Variants in ADORA2A observed in about 807,000 individuals in gnomAD.
The protein encoded by ADORA2A is adenosine receptor A2a.
In ADORA2A, 11 loss-of-function variants were observed where a neutral mutation model predicts 18.4. That is an observed-to-expected ratio of 0.60 (90% confidence interval 0.38 to 0.99). ADORA2A has a LOEUF of 0.99. ADORA2A is among the 50% of genes least tolerant of loss of function. The pLI is 0.01. For missense variants in ADORA2A, 449 were observed against 556.1 expected, an observed-to-expected ratio of 0.81 and a Z score of 1.94; for synonymous variants, 218 against 237.3, an observed-to-expected ratio of 0.92 and a Z score of 0.75.
chr22:24,437,135 C>T (rs962077450), intron 2 of ADORA2A, among the ~76,000 whole-genome samples: 7 of 152,190 alleles, frequency 4.6e-5, no homozygotes. Context: ...GGGGCATATT[C>T]TTGGACCATA....
chr22:24,429,541 C>T (rs1031060772), intron 1 of ADORA2A: 3 of 152,292 alleles, frequency 2.0e-5, no homozygotes, highest in African/African-American at 2.4e-5. Flanking sequence ...CCGCCCCCTC[C>T]CCGGGGCCTC....
chr22:24,436,050 T>C (rs2043166767), intron 2 of ADORA2A, among the ~76,000 whole-genome samples: 1 of 152,168 alleles, frequency 6.6e-6, no homozygotes, highest in African/African-American at 2.4e-5. Flanking sequence ...CACAAACTCA[T>C]GGGGAGGCCA....
At position 24,440,963 on chromosome 22, in the gene ADORA2A, T is replaced by C. The variant is rs2043324465; in HGVS notation, c.713T>C (p.Ile238Thr). The change falls in exon 3 of 3, where the codon ATT becomes ACT. Residue 238 changes from isoleucine to threonine, a missense_variant. Physicochemically the swap from Ile to Thr is moderately conservative, Grantham distance 89 (BLOSUM62 -1). Transcript: ENST00000337539. ...CATGCTGCCAAGTCACTGGCCATCA[T>C]TGTGGGGCTCTTTGCCCTCTGCTGG... is the stretch of plus-strand genomic sequence containing the variant. ...EVHAAKSLAI[I>T]VGLFALCWLP... The C allele has an allele frequency of 1.9e-6, 3 of 1,614,100 alleles. No individual in the cohort carries two copies. Among genetic ancestry groups the C allele is most frequent in the African/African-American group, 1.3e-5 (1 of 75,008 alleles).
intron 2 of ADORA2A, 75 bp downstream of exon 2, chr22:24,433,811 G>GA (rs2043107489): frequency 6.7e-7 from 1 of 1,484,342 alleles, no homozygotes; most frequent in African/African-American, 1.4e-5. Context: ...GAGCCAGGGT[G>GA]AGCCTGGGAT....
chr22:24,429,164 G>C (rs1252032328), intron 1 of ADORA2A: 2 of 152,266 alleles, frequency 1.3e-5, no homozygotes, highest in Admixed American at 1.3e-4. Flanking sequence ...TGTACAGAGG[G>C]CCTTGCTAGT....
Position 24,427,738 on chromosome 22 carries a change from T to C in ADORA2A, c.-283T>C, listed in dbSNP as rs115781308. 3,862 of 152,300 alleles carry C rather than the reference T, an allele frequency of 0.025. 190 individuals are homozygous for C. Among genetic ancestry groups the C allele is most frequent in the African/African-American group, 0.088 (3,674 of 41,522 alleles). The allele number at this position is 152,300 out of a possible 1,614,324, so 9.4% of individuals were successfully genotyped here. Reference sequence around the variant, plus strand: ...AGGAGGGCTGTCAGGTGAAGCCTCGTGTGAGGGGGTGAGTGGCCCCCAGGC... The same window carrying C: ...AGGAGGGCTGTCAGGTGAAGCCTCGCGTGAGGGGGTGAGTGGCCCCCAGGC... On this transcript the variant is annotated 5_prime_UTR_variant, in exon 1 of 3. Coordinates refer to ENST00000337539, the MANE Select transcript of ADORA2A (RefSeq NM_000675.6).
chr22:24,424,241 G>T (rs1432470443), upstream of ADORA2A, among the ~76,000 whole-genome samples: 1 of 152,042 alleles, frequency 6.6e-6, no homozygotes, highest in East Asian at 1.9e-4. This position sits in a 1 kb window ranked among gnomAD's most constrained non-coding sequence, Gnocchi z 4.9. Context: ...GGCGCCGCGT[G>T]CGGGACCCTC....
At chr22:24,425,315 A>G (rs2042904884), upstream of ADORA2A, among the ~76,000 whole-genome samples, 1 of 142,114 alleles carries the variant, frequency 7.0e-6, no homozygotes, top group African/African-American at 2.7e-5. Context: ...TGGGGCTGGG[A>G]AGGCCGGGCC....
Position 24,440,582 on chromosome 22 carries a change from G to C in ADORA2A, c.333-1G>C. Reference sequence around the variant, plus strand: ...CTCTGATGCTGGTCTCTTCTCCCCAGGTACAATGGCTTGGTGACCGGCACG... The same window carrying C: ...CTCTGATGCTGGTCTCTTCTCCCCACGTACAATGGCTTGGTGACCGGCACG... On this transcript the variant is annotated splice_acceptor_variant, in intron 2 of 2. Coordinates refer to ENST00000337539, the MANE Select transcript of ADORA2A (RefSeq NM_000675.6). LOFTEE classifies it high-confidence loss of function. The C allele has an allele frequency of 6.4e-7, 1 of 1,553,286 alleles. No individual in the cohort carries two copies. Among genetic ancestry groups the C allele is most frequent in the Non-Finnish European group, 8.7e-7 (1 of 1,147,554 alleles).
chr22:24,433,478 T>C lies in ADORA2A; in HGVS notation c.74T>C (p.Val25Ala). 6.2e-7 allele frequency: 1 copy of C among 1,614,188 alleles called. No homozygotes were observed. Among genetic ancestry groups the C allele is most frequent in the South Asian group, 1.1e-5 (1 of 91,088 alleles). ...GCTGTGCTGGCCATCCTGGGCAATG[T>C]GCTGGTGTGCTGGGCCGTGTGGCTC... ...AIAVLAILGNVLVCWAVWLNS... is the reference protein window; with the variant it reads ...AIAVLAILGNALVCWAVWLNS... Residue 25 changes from valine (V) to alanine (A), a missense_variant, in exon 2 of 3, where the codon GTG becomes GCG. Transcript: ENST00000337539.
intron 2 of ADORA2A, 113 bp downstream of exon 2, chr22:24,433,849 G>T: frequency 7.7e-7 from 1 of 1,294,386 alleles, no homozygotes; most frequent in South Asian, 1.5e-5. Flanking sequence ...TGTCAGCATG[G>T]TGAGCTGGCG....
intron 2 of ADORA2A, among the ~76,000 whole-genome samples, chr22:24,439,792 CG>C (rs2043287816): frequency 6.6e-6 from 1 of 152,064 alleles, no homozygotes; most frequent in Non-Finnish European, 1.5e-5. Flanking sequence ...TGAGTGATTT[CG>C]GGCAGATTAC....
chr22:24,433,116 G>T lies in ADORA2A; in HGVS notation c.-274-15G>T. 1.8e-6 allele frequency: 1 copy of T among 541,150 alleles called. No individual in the cohort carries two copies. The highest frequency in any genetic ancestry group is 3.3e-6 in the Non-Finnish European group (1 of 301,238). 33.5% of individuals were successfully genotyped at this position (541,150 alleles called of 1,614,324 possible). ...CTGCAGATGGTTCAGCTTCTCATCGGCTGTCCCTTTGCAGGTGCCTCAGGA... is the reference window on the plus strand; with the variant it reads ...CTGCAGATGGTTCAGCTTCTCATCGTCTGTCCCTTTGCAGGTGCCTCAGGA... On this transcript the variant is annotated splice_polypyrimidine_tract_variant and intron_variant, in intron 1 of 2. Coordinates refer to ENST00000337539, the MANE Select transcript of ADORA2A (RefSeq NM_000675.6).
upstream of ADORA2A, among the ~76,000 whole-genome samples, chr22:24,426,101 T>C (rs1027470362): frequency 6.6e-6 from 1 of 152,222 alleles, no homozygotes; most frequent in African/African-American, 2.4e-5. Flanking sequence ...CATCACGTCC[T>C]GCAAAGTCCA....
Position 24,441,514 on chromosome 22 carries a change from T to G in ADORA2A, c.*25T>G. On this transcript the variant is annotated 3_prime_UTR_variant, in exon 3 of 3. Transcript: ENST00000337539. ...ATGATTCATGGAGTTTGCCCCTTCC[T>G]AAGGGAAGGAGATCTTTATCTTTCT... 6.8e-7 allele frequency: 1 copy of G among 1,479,288 alleles called. No individual in the cohort carries two copies. 91.6% of individuals were successfully genotyped at this position (1,479,288 alleles called of 1,614,324 possible). A position where few individuals can be genotyped will look rare whatever the true frequency, so the allele number is the denominator to read the frequency against.
Position 24,441,443 on chromosome 22 carries a change from CT to C in ADORA2A, c.1194del (p.Gly399AlafsTer2), listed in dbSNP as rs2043341615. The C allele has an allele frequency of 6.6e-7, 1 of 1,522,030 alleles. No individual in the cohort carries two copies. The highest frequency in any genetic ancestry group is 2.2e-5 in the Admixed American group (1 of 44,966). The allele number at this position is 1,522,030 out of a possible 1,614,324, so 94.3% of individuals were successfully genotyped here. A position where few individuals can be genotyped will look rare whatever the true frequency, so the allele number is the denominator to read the frequency against. On this transcript the variant is annotated frameshift_variant, in exon 3 of 3. Transcript: ENST00000337539. LOFTEE classifies it high-confidence loss of function. ...CTCAAGGGAGTGTGCCCAGAGCCCC[CT>C]GGCCTAGATGACCCCCTGGCCCAGG... is the stretch of plus-strand genomic sequence containing the variant. Reference protein sequence around the residue: ...HELKGVCPEPPGLDDPLAQDG... With the variant: ...HELKGVCPEPXGLDDPLAQDG...
upstream of ADORA2A, among the ~76,000 whole-genome samples, chr22:24,425,339 C>CA (rs2042906112): frequency 8.5e-5 from 3 of 35,390 alleles, no homozygotes; most frequent in Admixed American, 6.8e-4. Flanking sequence ...TGGGCAGCAC[C>CA]CCCCCCCCCC....
chr22:24,441,098 T>C lies in ADORA2A; in HGVS notation c.848T>C (p.Val283Ala), dbSNP rs1489285016. Residue 283 changes from valine (V) to alanine (A), a missense_variant, in exon 3 of 3, where the codon GTG becomes GCG. Coordinates refer to ENST00000337539, the MANE Select transcript of ADORA2A (RefSeq NM_000675.6). ...AIVLSHTNSV[V>A]NPFIYAYRIR... Reference sequence around the variant, plus strand: ...GTCCTCTCCCACACCAATTCGGTTGTGAATCCCTTCATCTACGCCTACCGT... The same window carrying C: ...GTCCTCTCCCACACCAATTCGGTTGCGAATCCCTTCATCTACGCCTACCGT... 6.2e-7 allele frequency: 1 copy of C among 1,614,034 alleles called. No homozygotes were observed. The highest frequency in any genetic ancestry group is 8.5e-7 in the Non-Finnish European group (1 of 1,180,038).
At position 24,430,567 on chromosome 22, in the gene ADORA2A, C is replaced by G. The variant is rs545064600; in HGVS notation, c.-274-2564C>G. ...AGGCCCTGGTCAGGCTTCTCCCAAA[C>G]TGGGCATCCCAGCTGGCATGGCACC... On this transcript the variant is annotated intron_variant, in intron 1 of 2. Coordinates refer to ENST00000337539, the MANE Select transcript of ADORA2A (RefSeq NM_000675.6). Among the ~76,000 whole-genome samples the G allele has an allele frequency of 3.3e-5, 5 of 152,372 alleles. No homozygotes were observed. In the South Asian group the frequency reaches 1.0e-3, roughly 32 times the overall value.
Sources: allele counts gnomAD v4.1 joint callset (sites outside exome capture counted in the v4.1 genomes callset), GRCh38; gene constraint gnomAD v4.1.1; non-coding constraint Gnocchi (gnomAD v3.1); transcripts MANE v1.5; gene names NCBI Gene and HGNC (gene_info 2026-07-23, HGNC 2026-07-21).